VPS45: variants seen among roughly 807,000 people sequenced by gnomAD.
The protein encoded by VPS45 is vacuolar protein sorting 45 homolog.
Under a neutral mutation model 75.9 loss-of-function variants are expected in VPS45, and 35 were observed. The observed-to-expected ratio is 0.46, with a 90% CI of 0.35 to 0.61. VPS45 has a LOEUF of 0.61. Among genes scored for constraint, VPS45 ranks in the 20% least tolerant of loss-of-function variants. The pLI is 0.00. For missense variants in VPS45, 559 were observed against 685.9 expected (o/e 0.81, Z 2.07); for synonymous variants, 220 against 238.2 (o/e 0.92, Z 0.70).
intron 13 of VPS45, among the ~76,000 whole-genome samples, chr1:150,095,510 A>T (rs1303442952): frequency 6.6e-6 from 1 of 152,022 alleles, no homozygotes; most frequent in Non-Finnish European, 1.5e-5. Context: ...GCTACTCAGG[A>T]GGCTGAGGTA....
rs587743912 is a variant in VPS45, at chr1:150,113,212, C to G, written c.1625+2585C>G. Reference sequence around the variant, plus strand: ...ATCCTGAAGCTATCTAGAGGCCCACCAAGAGTCATCTCATTGAAACAAAAG... The same window carrying G: ...ATCCTGAAGCTATCTAGAGGCCCACGAAGAGTCATCTCATTGAAACAAAAG... On this transcript the variant is annotated intron_variant, in intron 14 of 14. Coordinates refer to ENST00000644510, the MANE Select transcript of VPS45 (RefSeq NM_007259.5). Among the ~76,000 whole-genome samples, 94 of 152,138 alleles carry G rather than the reference C, an allele frequency of 6.2e-4. No homozygotes were observed. In the Middle Eastern group the frequency reaches 0.017, roughly 28 times the overall value.
intron 3 of VPS45, among the ~76,000 whole-genome samples, chr1:150,074,948 ATTTATTCTTTTTTTTT>A (rs1553797728): frequency 1.8e-5 from 2 of 110,802 alleles, no homozygotes; most frequent in South Asian, 2.7e-4. Flanking sequence ...AAAAATAATT[ATTTATTCTTTTTTTTT>A]TTTTTTTTTT....
At chr1:150,068,081 A>C in intron 1 of VPS45, 131 bp downstream of exon 1, 1 of 953,794 alleles carries the variant, frequency 1.0e-6, no homozygotes, top group South Asian at 1.6e-5. Flanking sequence ...GGAATTGAAA[A>C]GTTGTTTATA....
intron 14 of VPS45, among the ~76,000 whole-genome samples, chr1:150,127,630 A>C (rs973133813): frequency 2.4e-4 from 36 of 152,120 alleles, no homozygotes; most frequent in African/African-American, 7.7e-4. Flanking sequence ...CCTTTTTCAG[A>C]TGAGGAAATC....
intron 14 of VPS45, among the ~76,000 whole-genome samples, chr1:150,127,780 G>T (rs1553811102): frequency 6.6e-6 from 1 of 152,134 alleles, no homozygotes; most frequent in East Asian, 1.9e-4. Flanking sequence ...ATCTAGCTAT[G>T]ATATTTTTAA....
chr1:150,110,440 TCA>T, intron 13 of VPS45, 54 bp from the exon 14 acceptor site: 1 of 1,525,920 alleles, frequency 6.6e-7, no homozygotes, highest in Non-Finnish European at 8.9e-7. Flanking sequence ...TGTATGTAAG[TCA>T]CAGTCCTTTT....
intron 13 of VPS45, among the ~76,000 whole-genome samples, chr1:150,102,255 C>CAA (rs1354742706): frequency 1.7e-4 from 17 of 100,988 alleles, no homozygotes; most frequent in African/African-American, 5.3e-4. Flanking sequence ...AAAAAAAAAA[C>CAA]AAACACATGC....
intron 14 of VPS45, among the ~76,000 whole-genome samples, chr1:150,124,428 C>T (rs587656066): frequency 1.3e-5 from 2 of 151,932 alleles, no homozygotes; most frequent in African/African-American, 4.8e-5. Context: ...CACTGCACTC[C>T]AGCCTGGGTG....
At chr1:150,070,588 C>G (rs1559898400) in intron 2 of VPS45, among the ~76,000 whole-genome samples, 2 of 149,714 alleles carry the variant, frequency 1.3e-5, no homozygotes, top group South Asian at 2.1e-4. Flanking sequence ...GTCAGGAGAT[C>G]GAGACCATCC....
At chr1:150,083,486 T>C (rs587628216) in intron 10 of VPS45, among the ~76,000 whole-genome samples, 8 of 151,866 alleles carry the variant, frequency 5.3e-5, no homozygotes, top group Admixed American at 5.2e-4. Flanking sequence ...CTATGTACTA[T>C]ATTAGAGGTA....
chr1:150,080,889 G>A (rs1220525154), intron 7 of VPS45, among the ~76,000 whole-genome samples: 3 of 152,148 alleles, frequency 2.0e-5, no homozygotes, highest in Admixed American at 1.3e-4. Context: ...TAATATTAGT[G>A]TTCCCAGGAC....
intron 11 of VPS45, 97 bp from the exon 12 acceptor site, chr1:150,092,203 TTC>T: frequency 6.6e-7 from 1 of 1,524,982 alleles, no homozygotes; most frequent in Non-Finnish European, 8.9e-7. Context: ...AAATGTATAA[TTC>T]TGTCTTTTCA....
rs587649716 is a variant in VPS45, at chr1:150,093,463, A to G, written c.1372-64A>G. 2,552 of 1,572,358 alleles carry G rather than the reference A, an allele frequency of 1.6e-3. 3 individuals carry two copies. Among genetic ancestry groups the G allele is most frequent in the Non-Finnish European group, 2.1e-3 (2,405 of 1,155,658 alleles). ...GTGTATGTCCTTTTCTGATATGAAT[A>G]TTATTAATTCTTGTGTTGCCAATTT... On this transcript the variant is annotated intron_variant, in intron 12 of 14. Transcript: ENST00000644510.
rs973168804 is a variant in VPS45, at chr1:150,140,976, G to A, written c.1626-3733G>A. 7.9e-5 allele frequency among the ~76,000 whole-genome samples: 12 copies of A among 152,216 alleles called. 1 individual carries two copies. The highest frequency in any genetic ancestry group is 2.9e-4 in the African/African-American group (12 of 41,452). ...ACCAAACAAAGTGTGAGATGGATGG[G>A]ACAGCCTTTGAATAGCAGGTGCAAA... On this transcript the variant is annotated intron_variant, in intron 14 of 14. Coordinates refer to ENST00000644510, the MANE Select transcript of VPS45 (RefSeq NM_007259.5).
intron 14 of VPS45, among the ~76,000 whole-genome samples, chr1:150,129,541 A>G (rs1295793033): frequency 2.0e-5 from 3 of 151,968 alleles, no homozygotes; most frequent in Non-Finnish European, 4.4e-5. Flanking sequence ...GAATGTATAC[A>G]CATTTTTTTT....
intron 14 of VPS45, among the ~76,000 whole-genome samples, chr1:150,119,077 TAAG>T (rs1553809054): frequency 6.6e-6 from 1 of 152,188 alleles, no homozygotes; most frequent in Non-Finnish European, 1.5e-5. Context: ...ATCATACCAG[TAAG>T]AAGATTATGG....
chr1:150,093,312 A>C (rs1656445476), intron 12 of VPS45, among the ~76,000 whole-genome samples: 2 of 152,214 alleles, frequency 1.3e-5, no homozygotes, highest in South Asian at 4.1e-4. Context: ...TTTTTAAAAA[A>C]TCCTTTACAA....
chr1:150,089,446 C>T (rs587608187), intron 10 of VPS45, among the ~76,000 whole-genome samples: 2 of 151,974 alleles, frequency 1.3e-5, no homozygotes, highest in South Asian at 2.1e-4. Context: ...CTGCAACCTC[C>T]GCCTCCCAGG....
intron 14 of VPS45, among the ~76,000 whole-genome samples, chr1:150,118,349 A>G (rs587767158): frequency 6.0e-5 from 9 of 151,012 alleles, no homozygotes; most frequent in African/African-American, 2.2e-4. Context: ...TAGAAAAAAG[A>G]AAAAAAAATG....
Sources: gnomAD v4.1 joint callset for allele counts (sites outside exome capture counted in the v4.1 genomes callset) on GRCh38, gnomAD v4.1.1 for gene constraint, MANE v1.5 for transcripts, NCBI Gene and HGNC (gene_info 2026-07-23, HGNC 2026-07-21) for gene names.